The following BRCA1 variants were observed in gnomAD, a reference collection of about 807,000 sequenced individuals.
BRCA1 encodes BRCA1 DNA repair associated, also known as breast cancer type 1 susceptibility protein.
Under a neutral mutation model 173.7 loss-of-function variants are expected in BRCA1, and 140 were observed. That is an observed-to-expected ratio of 0.81 (90% CI 0.70 to 0.93). The LOEUF (loss-of-function observed/expected upper bound fraction) is 0.93. Ranked by LOEUF, BRCA1 falls within the 40% of genes least tolerant of loss-of-function variation. The pLI is 0.00. For missense variants in BRCA1, 1,983 were observed against 2,172.5 expected (o/e 0.91, Z 1.73); for synonymous variants, 662 against 756.0 (o/e 0.88, Z 2.04).
chr17:43,106,450 A>G lies in BRCA1; in HGVS notation c.212+6T>C, dbSNP rs2054767256. ...TCCAACCTAGCATCATTACCAAATT[A>G]TATACCTTTTGGTTATATCATTCTT... On this transcript the variant is annotated splice_donor_region_variant and intron_variant, in intron 4 of 22. Transcript: ENST00000357654. 2 of 1,566,272 alleles carry G rather than the reference A, an allele frequency of 1.3e-6. No individual in the cohort carries two copies. Among genetic ancestry groups the G allele is most frequent in the Non-Finnish European group, 1.8e-6 (2 of 1,139,122 alleles).
chr17:43,165,047 G>A (rs1399026070), intron 1 of BRCA1, among the ~76,000 whole-genome samples: 7 of 151,958 alleles, frequency 4.6e-5, no homozygotes, highest in Admixed American at 6.6e-5. Context: ...AGTGCTTCTC[G>A]TATGATTTTT....
intron 19 of BRCA1, among the ~76,000 whole-genome samples, chr17:43,054,074 T>C (rs2153222974): frequency 6.6e-6 from 1 of 152,358 alleles, no homozygotes. Flanking sequence ...GTCATTACTT[T>C]GACCACATAC....
At position 43,092,643 on chromosome 17, in the gene BRCA1, GT is replaced by G. The variant is rs80357559; in HGVS notation, c.2887del (p.Thr963LeufsTer37). On this transcript the variant is annotated frameshift_variant, in exon 10 of 23. Coordinates refer to ENST00000357654, the MANE Select transcript of BRCA1 (RefSeq NM_007294.4). LOFTEE classifies it high-confidence loss of function. ...CLSSQFRGNE[T>X]GLITPNKHGL... Reference sequence around the variant, plus strand: ...ATGTTTATTTGGAGTAATGAGTCCAGTTTCGTTGCCTCTGAACTGAGATGAT... The same window carrying G: ...ATGTTTATTTGGAGTAATGAGTCCAGTTCGTTGCCTCTGAACTGAGATGAT... 6.2e-7 allele frequency: 1 copy of G among 1,614,098 alleles called. No homozygotes were observed. Among genetic ancestry groups the G allele is most frequent in the Non-Finnish European group, 8.5e-7 (1 of 1,180,008 alleles).
exon 1 of BRCA1, chr17:43,170,135 T>TGA: frequency 3.9e-6 from 1 of 257,588 alleles, no homozygotes; most frequent in South Asian, 3.5e-5. Context: ...CCGGATGAAG[T>TGA]GAGGGTCTCA....
intron 16 of BRCA1, among the ~76,000 whole-genome samples, chr17:43,065,438 G>A (rs1353391078): frequency 6.6e-6 from 1 of 152,270 alleles, no homozygotes; most frequent in Non-Finnish European, 1.5e-5. Context: ...GGAGGCCGAG[G>A]TAGGTGGATC....
At chr17:43,115,429 G>C (rs1314303311) in intron 3 of BRCA1, among the ~76,000 whole-genome samples, 2 of 151,946 alleles carry the variant, frequency 1.3e-5, no homozygotes, top group African/African-American at 4.8e-5. Flanking sequence ...TTGAACTCGG[G>C]GGGCGGAGGT....
chr17:43,128,023 CAAAAAAAAAAAA>C (rs61243891), upstream of BRCA1, among the ~76,000 whole-genome samples: 8 of 24,990 alleles, frequency 3.2e-4, no homozygotes, highest in African/African-American at 4.5e-4. Context: ...GACTCCATCT[CAAAAAAAAAAAA>C]AAAAAAAAAA....
chr17:43,104,503 C>T (rs182337266), intron 5 of BRCA1, among the ~76,000 whole-genome samples: 96 of 152,242 alleles, frequency 6.3e-4, no homozygotes, highest in South Asian at 3.1e-3. Context: ...TCTACCTTAA[C>T]ACTAAGAAAT....
chr17:43,096,810 G>C (rs1181083445), intron 8 of BRCA1, among the ~76,000 whole-genome samples: 1 of 152,198 alleles, frequency 6.6e-6, no homozygotes, highest in Non-Finnish European at 1.5e-5. Context: ...TCTGCTAGAA[G>C]CAAGCATGTG....
At chr17:43,047,532 A>G in intron 22 of BRCA1, 111 bp downstream of exon 22, 1 of 1,095,492 alleles carries the variant, frequency 9.1e-7, no homozygotes, top group Admixed American at 1.7e-5. Context: ...TTCATTCAAC[A>G]AATATTTAAA....
At chr17:43,116,637 G>A (rs1453901232) in intron 2 of BRCA1, among the ~76,000 whole-genome samples, 3 of 152,184 alleles carry the variant, frequency 2.0e-5, no homozygotes, top group Non-Finnish European at 4.4e-5. Context: ...TCCTGCCTCA[G>A]CCTCCCAGGT....
At chr17:43,143,448 G>A (rs1259241642) in intron 1 of BRCA1, among the ~76,000 whole-genome samples, 1 of 152,184 alleles carries the variant, frequency 6.6e-6, no homozygotes, top group African/African-American at 2.4e-5. Context: ...ACACAGGGCT[G>A]CTTCCCAGTC....
intron 1 of BRCA1, 54 bp from the exon 2 acceptor site, chr17:43,124,169 T>C: frequency 9.7e-7 from 1 of 1,030,900 alleles, no homozygotes; most frequent in Non-Finnish European, 1.4e-6. Flanking sequence ...GTTTATAAAA[T>C]GACAACTTCA....
In BRCA1 at chr17:43,094,044, C is replaced by T. The variant is rs28897677; in HGVS notation, c.1487G>A (p.Arg496His). The T allele has an allele frequency of 6.7e-4, 1,078 of 1,613,824 alleles. 1 individual carries two copies. The highest frequency in any genetic ancestry group is 8.6e-4 in the Non-Finnish European group (1,014 of 1,179,946). The stretch of plus-strand genomic sequence containing the variant: ...ACGCTTTAATTTATTTGTGAGGGGA[C>T]GCTCTTGTATTATCTGTGGCTCAGT... ...FVTEPQIIQERPLTNKLKRKR... is the reference protein window; with the variant it reads ...FVTEPQIIQEHPLTNKLKRKR... Residue 496 changes from arginine to histidine, a missense_variant, in exon 10 of 23, where the codon CGT (arginine) becomes CAT (histidine). Physicochemically the swap from Arg to His is conservative, Grantham distance 29 (BLOSUM62 0). Transcript: ENST00000357654.
Position 43,104,152 on chromosome 17 carries a change from A to G in BRCA1, c.411T>C (p.Leu137=), listed in dbSNP as rs1258746087. Residue 137 remains leucine (L), a synonymous_variant, in exon 6 of 23, where the codon CTT becomes CTC. Transcript: ENST00000357654. ...SMGYRNRAKR[L]LQSEPENPSL... ...AAGGATTTTCGGGTTCACTCTGTAGAAGTCTTTTGGCACGGTTTCTGTAGC... is the reference window on the plus strand; with the variant it reads ...AAGGATTTTCGGGTTCACTCTGTAGGAGTCTTTTGGCACGGTTTCTGTAGC... 2 of 1,613,908 alleles carry G rather than the reference A, an allele frequency of 1.2e-6. No individual in the cohort carries two copies. Among genetic ancestry groups the G allele is most frequent in the African/African-American group, 1.3e-5 (1 of 74,902 alleles).
intron 12 of BRCA1, among the ~76,000 whole-genome samples, chr17:43,076,929 A>G (rs2052761748): frequency 1.3e-5 from 2 of 152,194 alleles, no homozygotes; most frequent in African/African-American, 2.4e-5. Flanking sequence ...TAAAAAATAT[A>G]TATAACAAAT....
At chr17:43,100,677 T>TAA (rs67109310) in intron 6 of BRCA1, among the ~76,000 whole-genome samples, 2 of 14,696 alleles carry the variant, frequency 1.4e-4, no homozygotes, top group African/African-American at 8.5e-4. Context: ...TATATATATA[T>TAA]AATATATATA....
chr17:43,142,036 CTGAG>C (rs2056079491), intron 1 of BRCA1, among the ~76,000 whole-genome samples: 1 of 152,044 alleles, frequency 6.6e-6, no homozygotes, highest in Non-Finnish European at 1.5e-5. Context: ...CTTCAGCCTC[CTGAG>C]TAACTGGGAT....
At chr17:43,134,321 A>T (rs2055997837) in intron 1 of BRCA1, among the ~76,000 whole-genome samples, 1 of 152,184 alleles carries the variant, frequency 6.6e-6, no homozygotes, top group South Asian at 2.1e-4. Flanking sequence ...AGAGGTAGAC[A>T]AGCCTGCAGA....
Sources: gnomAD v4.1 joint callset for allele counts (sites outside exome capture counted in the v4.1 genomes callset) on GRCh38, gnomAD v4.1.1 for gene constraint, MANE v1.5 for transcripts, NCBI Gene and HGNC (gene_info 2026-07-23, HGNC 2026-07-21) for gene names.